ANG: variants seen among roughly 807,000 people sequenced by gnomAD.
ANG encodes the protein Homo sapiens epididymis luminal protein 168.
For synonymous variants in ANG, 74 were observed against 73.8 expected (o/e 1.00, Z -0.02); for missense variants, 178 against 187.4 (o/e 0.95, Z 0.29).
At position 20,694,090 on chromosome 14, in the gene ANG, T is replaced by C; in HGVS notation, c.*82T>C. 3.3e-6 allele frequency: 5 copies of C among 1,500,086 alleles called. No individual in the cohort carries two copies. Among genetic ancestry groups the C allele is most frequent in the Non-Finnish European group, 4.6e-6 (5 of 1,076,580 alleles). The allele number at this position is 1,500,086 out of a possible 1,614,324, so 92.9% of individuals were successfully genotyped here. On this transcript the variant is annotated 3_prime_UTR_variant, in exon 2 of 2. Transcript: ENST00000397990. ...TGCACCCAGAACAGTGGTGGCAACA[T>C]TCATTGCCAAGGGCCCAAAGAAAGA...
Position 20,693,838 on chromosome 14 carries a change from A to T in ANG, c.274A>T (p.Asn92Tyr). 1 of 1,614,224 alleles carries T rather than the reference A, an allele frequency of 6.2e-7. No individual in the cohort carries two copies. Among genetic ancestry groups the T allele is most frequent in the Non-Finnish European group, 8.5e-7 (1 of 1,180,026 alleles). The change falls in exon 2 of 2, where the codon AAC becomes TAC. Residue 92 changes from asparagine (N) to tyrosine (Y), a missense_variant. Asn to Tyr is a moderately radical substitution (Grantham distance 143, BLOSUM62 -2). Transcript: ENST00000397990. ...CAAGAATGGAAACCCTCACAGAGAA[A>T]ACCTAAGAATAAGCAAGTCTTCTTT... ...ENKNGNPHRE[N>Y]LRISKSSFQV...
upstream of ANG, chr14:20,684,877 A>C (rs1886349359): frequency 6.6e-6 from 1 of 152,060 alleles, no homozygotes; most frequent in African/African-American, 2.4e-5. Context: ...AGTTTGCGGG[A>C]CGGGGCTGGA....
chr14:20,687,474 C>CTG (rs1265346746), upstream of ANG, among the ~76,000 whole-genome samples: 1 of 152,126 alleles, frequency 6.6e-6, no homozygotes, highest in Non-Finnish European at 1.5e-5. Context: ...GGCCATGGGG[C>CTG]TGTGTGTGTG....
At chr14:20,685,843 C>T (rs1886397151), upstream of ANG, among the ~76,000 whole-genome samples, 1 of 151,870 alleles carries the variant, frequency 6.6e-6, no homozygotes, top group African/African-American at 2.4e-5. Flanking sequence ...AGTTCGAGAC[C>T]AGCCTGGCCA....
At chr14:20,689,126 G>A (rs1311345450) in intron 1 of ANG, among the ~76,000 whole-genome samples, 1 of 152,200 alleles carries the variant, frequency 6.6e-6, no homozygotes, top group Admixed American at 6.5e-5. Context: ...ATCCCCAAAG[G>A]CCTGGGGGAG....
chr14:20,693,035 G>C (rs1345092326), intron 1 of ANG, among the ~76,000 whole-genome samples: 2 of 151,644 alleles, frequency 1.3e-5, no homozygotes, highest in African/African-American at 4.9e-5. Flanking sequence ...TTTTAGTAGA[G>C]ACGGGGTTTC....
intron 1 of ANG, among the ~76,000 whole-genome samples, chr14:20,693,065 T>C (rs569346622): frequency 6.6e-6 from 1 of 151,700 alleles, no homozygotes; most frequent in South Asian, 2.1e-4. Context: ...GCCAGGATGG[T>C]CTCGATCTCC....
At position 20,690,221 on chromosome 14, in the gene ANG, C is replaced by CA. The variant is rs36091065; in HGVS notation, c.-19+1374dup. On this transcript the variant is annotated intron_variant, in intron 1 of 1. Coordinates refer to ENST00000397990, the MANE Select transcript of ANG (RefSeq NM_001097577.3). ...TGGGCGACAGAGCGAGACTCCGTCT[C>CA]AAAAAAAAAAAAAAAAAAAAAAAAA... 7.8e-3 allele frequency among the ~76,000 whole-genome samples: 533 copies of CA among 67,986 alleles called. 32 individuals carry two copies. Among genetic ancestry groups the CA allele is most frequent in the African/African-American group, 0.018 (284 of 15,474 alleles). 44.6% of individuals were successfully genotyped at this position (67,986 alleles called of 152,430 possible).
intron 1 of ANG, among the ~76,000 whole-genome samples, chr14:20,692,934 G>C (rs901863681): frequency 6.6e-6 from 1 of 151,960 alleles, no homozygotes; most frequent in Admixed American, 6.5e-5. Context: ...TGCAAGCTCC[G>C]CCTCCCGGGT....
chr14:20,691,172 C>T (rs1886722678), intron 1 of ANG, among the ~76,000 whole-genome samples: 1 of 152,188 alleles, frequency 6.6e-6, no homozygotes, highest in African/African-American at 2.4e-5. Context: ...TACGGTATTT[C>T]CTAGAGAAGA....
upstream of ANG, among the ~76,000 whole-genome samples, chr14:20,688,408 C>G (rs114773250): frequency 8.2e-4 from 125 of 152,312 alleles, no homozygotes; most frequent in African/African-American, 2.9e-3. Flanking sequence ...AAGACCATAT[C>G]TTACTCTGTG....
At chr14:20,689,169 C>G (rs1036172040) in intron 1 of ANG, among the ~76,000 whole-genome samples, 1 of 152,158 alleles carries the variant, frequency 6.6e-6, no homozygotes, top group East Asian at 1.9e-4. Context: ...AGTCCTCCCC[C>G]GTCGTCCACC....
intron 1 of ANG, among the ~76,000 whole-genome samples, chr14:20,691,804 A>G (rs1886765189): frequency 6.6e-6 from 1 of 152,246 alleles, no homozygotes. Flanking sequence ...TCAACACCAA[A>G]TGCAAATTAG....
intron 1 of ANG, 71 bp from the exon 2 acceptor site, chr14:20,693,476 G>A (rs1357877087): frequency 2.5e-6 from 4 of 1,587,050 alleles, no homozygotes; most frequent in Non-Finnish European, 3.4e-6. Context: ...AGAGAGCAAA[G>A]CTCCTGTCCT....
At chr14:20,684,842 G>A (rs1380258176), upstream of ANG, 1 of 152,688 alleles carries the variant, frequency 6.5e-6, no homozygotes, top group African/African-American at 2.4e-5. Flanking sequence ...TCCTAGTAGA[G>A]GCAGCTTGGG....
chr14:20,686,834 A>C (rs1042027466), upstream of ANG, among the ~76,000 whole-genome samples: 3 of 152,238 alleles, frequency 2.0e-5, no homozygotes, highest in African/African-American at 7.2e-5. Flanking sequence ...GAAATTATTT[A>C]GTCCATTCTT....
In ANG at chr14:20,694,182, A is replaced by G. The variant is rs1187580548; in HGVS notation, c.*174A>G. On this transcript the variant is annotated 3_prime_UTR_variant, in exon 2 of 2. Transcript: ENST00000397990. ...TAAATAAAAATGTCTTGATATCAGT[A>G]AGAATCAGAGTCTTCTCACTGATTC... 2.5e-5 allele frequency: 18 copies of G among 722,880 alleles called. No homozygotes were observed. The highest frequency in any genetic ancestry group is 1.8e-5 in the South Asian group (1 of 57,122). The allele number at this position is 722,880 out of a possible 1,614,324, so 44.8% of individuals were successfully genotyped here. A position where few individuals can be genotyped will look rare whatever the true frequency, so the allele number is the denominator to read the frequency against.
chr14:20,690,622 T>C (rs1886697257), intron 1 of ANG, among the ~76,000 whole-genome samples: 1 of 152,200 alleles, frequency 6.6e-6, no homozygotes, highest in African/African-American at 2.4e-5. Flanking sequence ...AAAATTTGTC[T>C]CTGTAACTGA....
At chr14:20,688,948 C>G (rs1190792314) in intron 1 of ANG, 74 bp downstream of exon 1, 1 of 761,488 alleles carries the variant, frequency 1.3e-6, no homozygotes, top group African/African-American at 1.9e-5. Context: ...ATTTTCCTCC[C>G]TTTAAAGCCT....
Sources: gnomAD v4.1 joint callset for allele counts (sites outside exome capture counted in the v4.1 genomes callset) on GRCh38, gnomAD v4.1.1 for gene constraint, MANE v1.5 for transcripts, NCBI Gene and HGNC (gene_info 2026-07-23, HGNC 2026-07-21) for gene names.